ST7: variants seen among roughly 807,000 people sequenced by gnomAD.
The protein encoded by ST7 is suppression of tumorigenicity 7, also known as suppressor of tumorigenicity 7 protein.
Under a neutral mutation model 78.7 loss-of-function variants are expected in ST7, and 28 were observed. The ratio of observed to expected loss-of-function variants is 0.36; its 90% CI spans 0.26 to 0.49. The LOEUF is 0.49. ST7 is among the 20% of genes least tolerant of loss of function. The probability of loss-of-function intolerance (pLI) is 0.99; values close to 1 mark genes in which losing one functional copy is unlikely to be tolerated. For synonymous variants in ST7, 247 were observed against 249.6 expected, an observed-to-expected ratio of 0.99 and a Z score of 0.10; for missense variants, 418 against 696.0, an observed-to-expected ratio of 0.60 and a Z score of 4.49.
rs1177047077 is a variant in ST7, at chr7:117,219,304, TG to T, written c.1498+129del. 2.7e-6 allele frequency: 2 copies of T among 743,290 alleles called. No homozygotes were observed. The highest frequency in any genetic ancestry group is 5.1e-5 in the Admixed American group (2 of 38,964). The allele number at this position is 743,290 out of a possible 1,614,324, so 46.0% of individuals were successfully genotyped here. ...TTTTCTCCAAACCCCTGTCCTTGTT[TG>T]ATAGCATATGTATTAAAGTGAATTA... On this transcript the variant is annotated intron_variant, in intron 14 of 15. Coordinates refer to ENST00000323984, the MANE Select transcript of ST7 (RefSeq NM_001369598.1). This position sits in a 1 kb window ranked among gnomAD's most constrained non-coding sequence, Gnocchi z 5.1.
At chr7:117,119,996 T>C (rs1193715969) in intron 3 of ST7, among the ~76,000 whole-genome samples, 2 of 151,986 alleles carry the variant, frequency 1.3e-5, no homozygotes, top group African/African-American at 4.8e-5. Flanking sequence ...TGGCATGATC[T>C]TGGCTCACTG....
At chr7:117,180,957 T>C (rs1388075964) in intron 10 of ST7, among the ~76,000 whole-genome samples, 1 of 152,134 alleles carries the variant, frequency 6.6e-6, no homozygotes, top group Non-Finnish European at 1.5e-5. Flanking sequence ...CAGCCTTTTA[T>C]TTGTTTATTT....
chr7:117,060,732 G>T (rs375624441), intron 1 of ST7, among the ~76,000 whole-genome samples: 1 of 152,110 alleles, frequency 6.6e-6, no homozygotes, highest in Non-Finnish European at 1.5e-5. Context: ...CTGGCCAGGC[G>T]TAGTGGCTTA....
chr7:117,002,303 G>T (rs1794968430), intron 1 of ST7, among the ~76,000 whole-genome samples: 1 of 152,030 alleles, frequency 6.6e-6, no homozygotes, highest in African/African-American at 2.4e-5. Context: ...GTGCTGTCCA[G>T]GTTGGTCTTG....
intron 9 of ST7, among the ~76,000 whole-genome samples, chr7:117,166,059 G>A (rs991480339): frequency 6.6e-6 from 1 of 152,130 alleles, no homozygotes; most frequent in Non-Finnish European, 1.5e-5. Context: ...CCAGTTTATA[G>A]AATGAATATT....
intron 1 of ST7, among the ~76,000 whole-genome samples, chr7:117,084,758 G>A (rs1800017683): frequency 6.6e-6 from 1 of 152,104 alleles, no homozygotes; most frequent in South Asian, 2.1e-4. Context: ...TTTGTGGGAG[G>A]AAGTAAAGTT....
chr7:117,225,648 C>T (rs938346972), intron 15 of ST7, among the ~76,000 whole-genome samples: 4 of 152,182 alleles, frequency 2.6e-5, no homozygotes, highest in Non-Finnish European at 5.9e-5. Context: ...AGGCTGCCTG[C>T]GACCATTTGC....
chr7:117,195,771 T>C (rs1810255495), intron 12 of ST7, among the ~76,000 whole-genome samples: 2 of 152,180 alleles, frequency 1.3e-5, no homozygotes, highest in South Asian at 4.1e-4. Flanking sequence ...ATGGGGATTA[T>C]GGGAAGTATA....
intron 2 of ST7, among the ~76,000 whole-genome samples, chr7:117,104,421 T>C (rs576115081): frequency 6.6e-6 from 1 of 152,148 alleles, no homozygotes; most frequent in Admixed American, 6.5e-5. Flanking sequence ...GCCTGGGCAA[T>C]AGAGCGAGAC....
chr7:116,965,295 G>A (rs372409837), intron 1 of ST7, among the ~76,000 whole-genome samples: 9 of 145,692 alleles, frequency 6.2e-5, no homozygotes, highest in East Asian at 6.1e-4. Flanking sequence ...AGCTGAGATT[G>A]CACCACTGCA....
chr7:116,967,545 T>C (rs1307983595), intron 1 of ST7: 5 of 368,940 alleles, frequency 1.4e-5, no homozygotes, highest in Non-Finnish European at 2.2e-5. Context: ...CATTCTTGAA[T>C]TACTGACCTG....
intron 1 of ST7, 30 bp downstream of exon 1, chr7:116,953,721 C>A: frequency 1.4e-6 from 2 of 1,391,020 alleles, no homozygotes; most frequent in Non-Finnish European, 1.9e-6. Flanking sequence ...CCCGCGGCGC[C>A]CACCCCTCCC....
At chr7:116,969,740 A>G (rs73472897) in intron 1 of ST7, among the ~76,000 whole-genome samples, 4,808 of 152,294 alleles carry the variant, frequency 0.032, 239 homozygotes, top group African/African-American at 0.11. Context: ...TTTGGCAGAG[A>G]CTTGGAGGCA....
chr7:117,042,680 G>A (rs1797289921), intron 1 of ST7, among the ~76,000 whole-genome samples: 1 of 151,972 alleles, frequency 6.6e-6, no homozygotes, highest in African/African-American at 2.4e-5. Context: ...CATGTAGTCA[G>A]ATTTATAAAT....
At chr7:117,035,697 T>C (rs1796859812) in intron 1 of ST7, among the ~76,000 whole-genome samples, 1 of 152,218 alleles carries the variant, frequency 6.6e-6, no homozygotes, top group Non-Finnish European at 1.5e-5. Flanking sequence ...TGAATATTTT[T>C]GGAATTTTCT....
At chr7:117,112,784 C>G in intron 2 of ST7, 1 of 152,312 alleles carries the variant, frequency 6.6e-6, no homozygotes, top group Admixed American at 6.5e-5. Flanking sequence ...CACCTTGTCT[C>G]TTGACTCTAG....
intron 1 of ST7, among the ~76,000 whole-genome samples, chr7:117,047,834 T>C (rs1181984478): frequency 2.6e-5 from 4 of 152,126 alleles, no homozygotes; most frequent in Non-Finnish European, 4.4e-5. Flanking sequence ...AGCTTGGAAG[T>C]CAGGGATTTA....
intron 2 of ST7, among the ~76,000 whole-genome samples, chr7:117,107,113 GTA>G (rs141511029): frequency 1.1e-4 from 17 of 149,444 alleles, no homozygotes; most frequent in Admixed American, 2.0e-4. Flanking sequence ...GTGTGTATGT[GTA>G]TATATATATA....
rs528281843 is a variant in ST7 at position 116,961,815 on chromosome 7, G to A, written c.151+8124G>A. Among the ~76,000 whole-genome samples, 11 of 151,636 alleles carry A rather than the reference G, an allele frequency of 7.3e-5. No homozygotes were observed. In the South Asian group the frequency reaches 1.3e-3, roughly 17 times the overall value. On this transcript the variant is annotated intron_variant, in intron 1 of 15. Coordinates refer to ENST00000323984, the MANE Select transcript of ST7 (RefSeq NM_001369598.1). ...AAGTTCTGGGATACAAGTGCAGAAT[G>A]TGTAGGTTTGTTATGTAGGTATACG...
Sources: allele counts gnomAD v4.1 joint callset (sites outside exome capture counted in the v4.1 genomes callset), GRCh38; gene constraint gnomAD v4.1.1; non-coding constraint Gnocchi (gnomAD v3.1); transcripts MANE v1.5; gene names NCBI Gene and HGNC (gene_info 2026-07-23, HGNC 2026-07-21).